Variants in POLA1 observed in about 807,000 individuals in gnomAD.
POLA1 encodes the protein DNA polymerase alpha catalytic subunit.
POLA1 carries 15 observed loss-of-function variants against 124.0 expected under a neutral mutation model. The observed-to-expected ratio is 0.12, with a 90% CI of 0.08 to 0.19. The LOEUF (loss-of-function observed/expected upper bound fraction) is 0.19, where lower values mean the gene tolerates loss of function less well. Among genes scored for constraint, POLA1 ranks in the 10% least tolerant of loss-of-function variants. The probability of loss-of-function intolerance (pLI) is 1.00; values close to 1 mark genes in which losing one functional copy is unlikely to be tolerated. For synonymous variants in POLA1, 408 were observed against 389.4 expected, an observed-to-expected ratio of 1.05 and a Z score of -0.56; for missense variants, 886 against 1,103.4, an observed-to-expected ratio of 0.80 and a Z score of 2.79.
At chrX:24,789,684 G>T (rs191349177) in intron 26 of POLA1, among the ~76,000 whole-genome samples, 1 of 111,937 alleles carries the variant, frequency 8.9e-6, no homozygotes, top group Non-Finnish European at 1.9e-5. Context: ...GTATGGAAAA[G>T]AGATTTTTAT....
chrX:24,732,525 G>A, intron 16 of POLA1, 71 bp downstream of exon 16: 1 of 634,777 alleles, frequency 1.6e-6, no homozygotes, highest in Non-Finnish European at 2.6e-6. Context: ...TCCAGCTATT[G>A]GATCAGTAAC....
chrX:24,725,815 G>C (rs1569283112), intron 12 of POLA1, among the ~76,000 whole-genome samples, 166 bp from the exon 13 acceptor site: 1 of 111,886 alleles, frequency 8.9e-6, no homozygotes, highest in Non-Finnish European at 1.9e-5. Context: ...TTTTGACACT[G>C]GTTGTTTTAG....
At chrX:24,968,478 T>G (rs1314317774) in intron 36 of POLA1, among the ~76,000 whole-genome samples, 1 of 111,196 alleles carries the variant, frequency 9.0e-6, no homozygotes, top group Non-Finnish European at 1.9e-5. Flanking sequence ...GGCGGGCGGA[T>G]CACAAGGTCA....
At chrX:24,753,934 A>G (rs1932457066) in intron 26 of POLA1, among the ~76,000 whole-genome samples, 1 of 111,887 alleles carries the variant, frequency 8.9e-6, no homozygotes, top group Non-Finnish European at 1.9e-5. Context: ...CCTGCTTGCC[A>G]GTTGGTCGTA....
intron 36 of POLA1, among the ~76,000 whole-genome samples, chrX:24,987,242 C>T (rs1384787025): frequency 9.0e-6 from 1 of 111,582 alleles, no homozygotes; most frequent in Non-Finnish European, 1.9e-5. Context: ...ATCCTTGCCC[C>T]GTTGAGCACT....
At chrX:24,718,828 G>A (rs971601479) in intron 10 of POLA1, among the ~76,000 whole-genome samples, 1 of 111,794 alleles carries the variant, frequency 8.9e-6, no homozygotes, top group Non-Finnish European at 1.9e-5. Flanking sequence ...CTGGAGAGGA[G>A]AGAAGTAAAG....
chrX:24,866,571 C>T (rs1353850183), intron 34 of POLA1, among the ~76,000 whole-genome samples: 1 of 111,878 alleles, frequency 8.9e-6, no homozygotes, highest in Non-Finnish European at 1.9e-5. Flanking sequence ...TATGCTGAGC[C>T]TATAGGACCT....
At chrX:24,736,708 C>G (rs1191448121) in intron 18 of POLA1, among the ~76,000 whole-genome samples, 1 of 111,692 alleles carries the variant, frequency 9.0e-6, no homozygotes, top group Admixed American at 9.5e-5. Flanking sequence ...GTATACAGTT[C>G]AGTGGTATTA....
intron 32 of POLA1, among the ~76,000 whole-genome samples, chrX:24,833,100 T>C (rs942701579): frequency 1.8e-5 from 2 of 110,590 alleles, no homozygotes; most frequent in African/African-American, 6.6e-5. Context: ...CATTGTGTCA[T>C]TCTTTTGCCT....
intron 35 of POLA1, among the ~76,000 whole-genome samples, chrX:24,919,795 AGTTTTTTTTTTT>A (rs202189585): frequency 0.1 from 5,283 of 50,868 alleles, 477 homozygotes; most frequent in African/African-American, 0.29. Flanking sequence ...CTCCCTCCCC[AGTTTTTTTTTTT>A]GTTTTTTTTT....
At chrX:24,854,557 G>A (rs1466475924) in intron 34 of POLA1, among the ~76,000 whole-genome samples, 5 of 111,848 alleles carry the variant, frequency 4.5e-5, no homozygotes, top group African/African-American at 1.6e-4. Flanking sequence ...CAGGCCGGGT[G>A]TGGTGGCTCA....
rs1471761855 is a variant in POLA1, at chrX:24,716,899, A to G, written c.634A>G (p.Lys212Glu). The G allele has an allele frequency of 8.4e-7, 1 of 1,192,177 alleles. No homozygotes were observed. The highest frequency in any genetic ancestry group is 3.0e-5 in the East Asian group (1 of 33,687). ...ACGTTTACAGGCAGTTCCTTCAGGA[A>G]AAATTGCTTCCCCTGTCTCCAGAAA... is the stretch of plus-strand genomic sequence containing the variant. The part of the protein sequence containing the change: ...VHTATAVPSG[K>E]IASPVSRKEP... The change falls in exon 8 of 37, where the codon AAA (lysine) becomes GAA (glutamate). Residue 212 changes from lysine (K) to glutamate (E), a missense_variant. Around this residue, in one of 7 missense-constraint regions of POLA1, gnomAD observed 337 missense variants for 402.8 expected, o/e 0.84. Coordinates refer to ENST00000379068, the MANE Select transcript of POLA1 (RefSeq NM_001330360.2).
In POLA1 at chrX:24,714,648, T is replaced by C; in HGVS notation, c.441T>C (p.Cys147=). 1 of 1,172,508 alleles carries C rather than the reference T, an allele frequency of 8.5e-7. No homozygotes were observed. The highest frequency in any genetic ancestry group is 1.2e-6 in the Non-Finnish European group (1 of 864,384). Reference sequence around the variant, plus strand: ...ACATTAAGTCAATGTTCATTGCTTGTGCTGGAAAGAAAACTGCAGATGTGA... The same window carrying C: ...ACATTAAGTCAATGTTCATTGCTTGCGCTGGAAAGAAAACTGCAGATGTGA... ...PNNIKSMFIA[C]AGKKTADKAV... is the part of the protein sequence containing the mutation. The change falls in exon 5 of 37, where the codon TGT becomes TGC. Residue 147 remains cysteine, a synonymous_variant. Coordinates refer to ENST00000379068, the MANE Select transcript of POLA1 (RefSeq NM_001330360.2).
chrX:24,881,712 T>G (rs1279746444), intron 34 of POLA1, among the ~76,000 whole-genome samples: 4 of 111,650 alleles, frequency 3.6e-5, no homozygotes, highest in Non-Finnish European at 7.5e-5. Flanking sequence ...CAGTGTGTGT[T>G]CAGCGTTAGG....
chrX:24,725,896 A>C, intron 12 of POLA1, 85 bp from the exon 13 acceptor site: 1 of 591,497 alleles, frequency 1.7e-6, no homozygotes, highest in Non-Finnish European at 2.7e-6. Flanking sequence ...ATTCTTGATG[A>C]TTAAATACAA....
chrX:24,995,832 C>G lies in POLA1; in HGVS notation c.4289C>G (p.Pro1430Arg), dbSNP rs1163841128. ...KDKLKKQFFT[P>R]KVLQDYRKLK... ...AAATTGAAGAAGCAATTTTTTACCCCCAAAGTTCTGCAGGACTACAGAAAA... is the reference window on the plus strand; with the variant it reads ...AAATTGAAGAAGCAATTTTTTACCCGCAAAGTTCTGCAGGACTACAGAAAA... Residue 1430 changes from proline (P) to arginine (R), a missense_variant, in exon 37 of 37, where the codon CCC becomes CGC. By Grantham distance (103) the Pro-to-Arg change is moderately radical. Transcript: ENST00000379068. The G allele has an allele frequency of 3.3e-6, 4 of 1,207,024 alleles. No individual in the cohort carries two copies. The highest frequency in any genetic ancestry group is 4.5e-6 in the Non-Finnish European group (4 of 891,895).
chrX:24,749,296 G>A (rs1268620368), intron 26 of POLA1, among the ~76,000 whole-genome samples: 1 of 109,708 alleles, frequency 9.1e-6, no homozygotes, highest in African/African-American at 3.3e-5. Flanking sequence ...GAATGGGAGG[G>A]GTTTGGGGTT....
intron 34 of POLA1, among the ~76,000 whole-genome samples, chrX:24,858,143 G>A (rs1328432285): frequency 1.8e-5 from 2 of 111,944 alleles, no homozygotes; most frequent in African/African-American, 3.2e-5. Flanking sequence ...TATCTTCTTC[G>A]TATTTATACA....
At chrX:24,796,857 C>T (rs1375284887) in intron 26 of POLA1, among the ~76,000 whole-genome samples, 1 of 111,174 alleles carries the variant, frequency 9.0e-6, no homozygotes, top group Non-Finnish European at 1.9e-5. Context: ...TTCTGGTTGC[C>T]AGCCTGTTTC....
Sources: gnomAD v4.1 joint callset for allele counts (sites outside exome capture counted in the v4.1 genomes callset) on GRCh38, gnomAD v4.1.1 for gene constraint, gnomAD v4.1.1 regional missense constraint, MANE v1.5 for transcripts, NCBI Gene and HGNC (gene_info 2026-07-23, HGNC 2026-07-21) for gene names.